KDM4C: variants seen among roughly 807,000 people sequenced by gnomAD.
KDM4C encodes lysine-specific demethylase 4C.
KDM4C carries 81 observed loss-of-function variants against 129.3 expected under a neutral mutation model. The observed-to-expected ratio is 0.63, with a 90% CI of 0.52 to 0.75. The LOEUF (loss-of-function observed/expected upper bound fraction) is 0.75, where lower values mean the gene tolerates loss of function less well. Among genes scored for constraint, KDM4C ranks in the 30% least tolerant of loss-of-function variants. The probability of loss-of-function intolerance (pLI) is 0.00; values close to 1 mark genes in which losing one functional copy is unlikely to be tolerated. For synonymous variants in KDM4C, 573 were observed against 456.1 expected (o/e 1.26, Z -3.26); for missense variants, 1,457 against 1,304.0 (o/e 1.12, Z -1.81).
intron 6 of KDM4C, 80 bp from the exon 7 acceptor site, chr9:6,887,880 A>G: frequency 1.2e-6 from 1 of 852,178 alleles, no homozygotes; most frequent in Non-Finnish European, 2.0e-6. Context: ...TAAGAACACT[A>G]GAACTTACAC....
chr9:7,102,908 T>A (rs550139006), intron 17 of KDM4C, among the ~76,000 whole-genome samples: 1 of 152,340 alleles, frequency 6.6e-6, no homozygotes, highest in African/African-American at 2.4e-5. Flanking sequence ...TTTAGTGAAG[T>A]TGTTTTTCTC....
intron 1 of KDM4C, among the ~76,000 whole-genome samples, chr9:6,744,787 T>G (rs554281462): frequency 2.1e-5 from 3 of 145,858 alleles, no homozygotes; most frequent in African/African-American, 7.8e-5. Flanking sequence ...TCCAGGGTTG[T>G]GGGGAAGCAG....
chr9:7,061,974 C>G (rs886493466), intron 17 of KDM4C, among the ~76,000 whole-genome samples: 3 of 152,142 alleles, frequency 2.0e-5, no homozygotes, highest in Non-Finnish European at 4.4e-5. Context: ...TGGTCTGGTT[C>G]TGGCTTTTCT....
At chr9:6,953,110 G>A (rs1036315393) in intron 8 of KDM4C, among the ~76,000 whole-genome samples, 3 of 152,126 alleles carry the variant, frequency 2.0e-5, no homozygotes, top group African/African-American at 7.2e-5. Flanking sequence ...CCTTGCCAAC[G>A]TTTCTCTGTA....
chr9:7,109,928 G>A (rs1838130434), intron 18 of KDM4C, among the ~76,000 whole-genome samples: 2 of 152,126 alleles, frequency 1.3e-5, no homozygotes. Flanking sequence ...AAGATCTGAT[G>A]GCTTTATAAA....
At chr9:6,975,657 G>A (rs897740131) in intron 8 of KDM4C, among the ~76,000 whole-genome samples, 5 of 152,192 alleles carry the variant, frequency 3.3e-5, no homozygotes, top group African/African-American at 1.2e-4. Context: ...CAGACACTGT[G>A]TGTAGCTCAT....
chr9:6,837,919 G>T (rs1034730437), intron 4 of KDM4C, among the ~76,000 whole-genome samples: 2 of 151,774 alleles, frequency 1.3e-5, no homozygotes, highest in African/African-American at 4.8e-5. Flanking sequence ...TTATAATGTT[G>T]CATATTCTAT....
At position 6,814,557 on chromosome 9, in the gene KDM4C, T is replaced by G. The variant is rs546915910; in HGVS notation, c.321-74T>G. ...GTAGGATTTTGTTTTAGAAAGTGATTTAAATCAATTTGGTGGGAAAAACCC... is the reference window on the plus strand; with the variant it reads ...GTAGGATTTTGTTTTAGAAAGTGATGTAAATCAATTTGGTGGGAAAAACCC... On this transcript the variant is annotated intron_variant, in intron 3 of 21. Coordinates refer to ENST00000381309, the MANE Select transcript of KDM4C (RefSeq NM_015061.6). 4.7e-5 allele frequency: 42 copies of G among 900,178 alleles called. No individual in the cohort carries two copies. In the East Asian group the frequency reaches 1.1e-3, roughly 23 times the overall value. The allele number at this position is 900,178 out of a possible 1,614,324, so 55.8% of individuals were successfully genotyped here.
chr9:7,072,736 C>T (rs1194647105), intron 17 of KDM4C, among the ~76,000 whole-genome samples: 3 of 152,144 alleles, frequency 2.0e-5, no homozygotes, highest in East Asian at 1.9e-4. Context: ...CAGAAGTATA[C>T]ACACTAAAGG....
intron 19 of KDM4C, among the ~76,000 whole-genome samples, chr9:7,164,598 C>T (rs562914357): frequency 1.3e-5 from 2 of 152,306 alleles, no homozygotes; most frequent in East Asian, 1.9e-4. Context: ...ACCCACCCAG[C>T]TCCACCCGCC....
chr9:7,044,148 G>T (rs1829028568), intron 15 of KDM4C, among the ~76,000 whole-genome samples: 1 of 151,990 alleles, frequency 6.6e-6, no homozygotes, highest in East Asian at 1.9e-4. Context: ...GTGTCAGTGG[G>T]AATGCCTGAG....
intron 19 of KDM4C, among the ~76,000 whole-genome samples, chr9:7,136,086 G>A (rs1439306020): frequency 6.6e-6 from 1 of 152,230 alleles, no homozygotes; most frequent in Non-Finnish European, 1.5e-5. Context: ...GAAGAGAGAT[G>A]TCAACTGGGT....
At chr9:7,090,267 C>G (rs1835645030) in intron 17 of KDM4C, among the ~76,000 whole-genome samples, 1 of 152,150 alleles carries the variant, frequency 6.6e-6, no homozygotes, top group Non-Finnish European at 1.5e-5. Flanking sequence ...TCTTCTAGGA[C>G]CATTTTTGAC....
chr9:7,166,838 G>A (rs943678304), intron 20 of KDM4C, among the ~76,000 whole-genome samples: 4 of 152,118 alleles, frequency 2.6e-5, no homozygotes, highest in Non-Finnish European at 5.9e-5. Context: ...AAAACTATGA[G>A]CATATTTATA....
intron 9 of KDM4C, chr9:6,982,603 T>G (rs1005558657): frequency 6.6e-6 from 1 of 152,352 alleles, no homozygotes; most frequent in East Asian, 1.9e-4. Flanking sequence ...ACAGTCAGTG[T>G]CTTTGATAAC....
At chr9:6,859,461 G>A (rs776850652) in intron 5 of KDM4C, among the ~76,000 whole-genome samples, 25 of 138,992 alleles carry the variant, frequency 1.8e-4, no homozygotes, top group Admixed American at 2.9e-4. Context: ...GCGACAGAGC[G>A]GGACTCTGTC....
chr9:6,967,856 T>G (rs1179096887), intron 8 of KDM4C, among the ~76,000 whole-genome samples: 1 of 152,222 alleles, frequency 6.6e-6, no homozygotes, highest in African/African-American at 2.4e-5. Context: ...CAAAAAGATA[T>G]GAGGCTGTGT....
intron 18 of KDM4C, among the ~76,000 whole-genome samples, chr9:7,124,597 G>A (rs2133320376): frequency 6.6e-6 from 1 of 152,292 alleles, no homozygotes; most frequent in South Asian, 2.1e-4. Flanking sequence ...GGATGAATGG[G>A]GGTAAAGTCG....
chr9:6,974,307 G>A (rs1413477104), intron 8 of KDM4C, among the ~76,000 whole-genome samples: 7 of 152,164 alleles, frequency 4.6e-5, no homozygotes, highest in African/African-American at 1.4e-4. Context: ...TTTAGGAGAA[G>A]GATTATATAT....
Sources: gnomAD v4.1 joint callset for allele counts (sites outside exome capture counted in the v4.1 genomes callset) on GRCh38, gnomAD v4.1.1 for gene constraint, MANE v1.5 for transcripts, NCBI Gene and HGNC (gene_info 2026-07-23, HGNC 2026-07-21) for gene names.